Variants in HS3ST5 observed in about 807,000 individuals in gnomAD.
HS3ST5 encodes heparan sulfate glucosamine 3-O-sulfotransferase 5.
Under a neutral mutation model 25.4 loss-of-function variants are expected in HS3ST5, and 10 were observed. The ratio of observed to expected loss-of-function variants is 0.39; its 90% CI spans 0.24 to 0.67. HS3ST5 has a LOEUF of 0.67. Among genes scored for constraint, HS3ST5 ranks in the 30% least tolerant of loss-of-function variants. The probability of loss-of-function intolerance (pLI) is 0.44; values close to 1 mark genes in which losing one functional copy is unlikely to be tolerated. For synonymous variants in HS3ST5, 170 were observed against 162.4 expected (o/e 1.05, Z -0.36); for missense variants, 324 against 420.7 (o/e 0.77, Z 2.01).
At chr6:114,257,202 A>G (rs1217975364) in intron 1 of HS3ST5, among the ~76,000 whole-genome samples, 2 of 152,246 alleles carry the variant, frequency 1.3e-5, no homozygotes, top group Non-Finnish European at 2.9e-5. Flanking sequence ...AAAGTATATC[A>G]GCAGTGTTTG....
intron 3 of HS3ST5, among the ~76,000 whole-genome samples, chr6:114,135,100 A>G: frequency 6.6e-6 from 1 of 152,176 alleles, no homozygotes; most frequent in East Asian, 1.9e-4. Flanking sequence ...CAGAGGCCTA[A>G]ACTGGCAAAT....
intron 3 of HS3ST5, among the ~76,000 whole-genome samples, chr6:114,155,889 TACCTTAGTGC>T (rs1021417623): frequency 5.9e-5 from 9 of 152,192 alleles, no homozygotes; most frequent in Non-Finnish European, 1.3e-4. Context: ...GCTAGGCTTC[TACCTTAGTGC>T]ACCAACAGGA....
chr6:114,168,514 G>A (rs1189935056), intron 2 of HS3ST5, 52 bp from the exon 3 acceptor site: 2 of 152,314 alleles, frequency 1.3e-5, no homozygotes, highest in South Asian at 2.1e-4. Context: ...CTTTTTGTTT[G>A]TTTGTTTTTG....
chr6:114,131,201 C>T (rs1777314507), intron 3 of HS3ST5: 1 of 151,756 alleles, frequency 6.6e-6, no homozygotes, highest in Admixed American at 6.6e-5. Flanking sequence ...TTCCAATTGT[C>T]ATACATTTCA....
At chr6:114,071,216 A>G (rs1323567609) in intron 3 of HS3ST5, among the ~76,000 whole-genome samples, 1 of 152,218 alleles carries the variant, frequency 6.6e-6, no homozygotes, top group Non-Finnish European at 1.5e-5. Context: ...CAGATCTGTC[A>G]AATGGGATAC....
At chr6:114,194,575 T>C (rs1428303973) in intron 2 of HS3ST5, among the ~76,000 whole-genome samples, 1 of 152,182 alleles carries the variant, frequency 6.6e-6, no homozygotes, top group Admixed American at 6.6e-5. Context: ...AACCAGCATT[T>C]CTTCTTGATA....
chr6:114,080,514 G>T (rs1198041276), intron 3 of HS3ST5, among the ~76,000 whole-genome samples: 2 of 152,172 alleles, frequency 1.3e-5, no homozygotes, highest in Non-Finnish European at 2.9e-5. Flanking sequence ...ATTCACAATA[G>T]CAAAGACATG....
chr6:114,065,950 T>C (rs966911324), intron 3 of HS3ST5, among the ~76,000 whole-genome samples: 5 of 152,204 alleles, frequency 3.3e-5, no homozygotes, highest in African/African-American at 1.2e-4. Flanking sequence ...GGTCCACCTG[T>C]CTGTTTTTAG....
At chr6:114,143,627 A>T in intron 3 of HS3ST5, 1 of 152,230 alleles carries the variant, frequency 6.6e-6, no homozygotes, top group East Asian at 1.9e-4. Flanking sequence ...AGGAGCCATC[A>T]GAAGAAATTT....
At chr6:114,244,866 C>T (rs968285383) in intron 1 of HS3ST5, among the ~76,000 whole-genome samples, 3 of 152,188 alleles carry the variant, frequency 2.0e-5, no homozygotes, top group Non-Finnish European at 4.4e-5. Flanking sequence ...GATCACCTTA[C>T]ATTTGCTTCC....
rs5879258 is a variant in HS3ST5, at chr6:114,313,025, G to GAAAAAAAAAAAAAAAAAAAAAAA, written c.-339+29147_-339+29169dup. ...GGTGAGAGAAAGAGACCCTGCATCA[G>GAAAAAAAAAAAAAAAAAAAAAAA]AAAAAAAAAAAAAAAAAAAAAAAAA... On this transcript the variant is annotated intron_variant, in intron 1 of 4. Transcript: ENST00000312719. Among the ~76,000 whole-genome samples, 2 of 16,122 alleles carry GAAAAAAAAAAAAAAAAAAAAAAA rather than the reference G, an allele frequency of 1.2e-4. 1 individual carries two copies. 10.6% of individuals were successfully genotyped at this position (16,122 alleles called of 152,430 possible). A position where few individuals can be genotyped will look rare whatever the true frequency, so the allele number is the denominator to read the frequency against.
intron 2 of HS3ST5, among the ~76,000 whole-genome samples, chr6:114,213,264 C>T (rs13207255): frequency 0.43 from 62,868 of 145,770 alleles, 13,529 homozygotes; most frequent in Middle Eastern, 0.46. Flanking sequence ...CTCCTTTCCT[C>T]TCCTCTCCTC....
chr6:114,079,136 G>A (rs1774311898), intron 3 of HS3ST5, among the ~76,000 whole-genome samples: 1 of 152,192 alleles, frequency 6.6e-6, no homozygotes, highest in South Asian at 2.1e-4. Flanking sequence ...CAGGGTGGTG[G>A]TTGATCAAAA....
At chr6:114,163,322 A>G (rs1056252169) in intron 3 of HS3ST5, among the ~76,000 whole-genome samples, 28 of 152,320 alleles carry the variant, frequency 1.8e-4, no homozygotes, top group Non-Finnish European at 1.2e-4. Flanking sequence ...TCGTCGGGCT[A>G]ATACTAACTA....
At chr6:114,144,638 C>A (rs1305943779) in intron 3 of HS3ST5, among the ~76,000 whole-genome samples, 2 of 152,134 alleles carry the variant, frequency 1.3e-5, no homozygotes, top group Non-Finnish European at 1.5e-5. Flanking sequence ...TCCCAAAAAT[C>A]CATAGATTGT....
chr6:114,264,339 T>C (rs1314673651), intron 1 of HS3ST5, among the ~76,000 whole-genome samples: 1 of 152,200 alleles, frequency 6.6e-6, no homozygotes, highest in African/African-American at 2.4e-5. Flanking sequence ...AGTCGTAACA[T>C]TGTGGAAAAG....
intron 4 of HS3ST5, among the ~76,000 whole-genome samples, chr6:114,061,359 C>A (rs949000202): frequency 1.3e-5 from 2 of 152,134 alleles, no homozygotes; most frequent in African/African-American, 4.8e-5. Flanking sequence ...TCTGATTACA[C>A]TTTCAGGGTA....
intron 3 of HS3ST5, among the ~76,000 whole-genome samples, chr6:114,109,165 GAAAA>G (rs989997100): frequency 7.0e-6 from 1 of 143,764 alleles, no homozygotes; most frequent in African/African-American, 2.5e-5. Flanking sequence ...CCTGTCTCAA[GAAAA>G]AAAAAAATGT....
intron 3 of HS3ST5, among the ~76,000 whole-genome samples, chr6:114,076,576 G>T (rs1275414401): frequency 6.6e-6 from 1 of 152,202 alleles, no homozygotes; most frequent in Admixed American, 6.5e-5. Flanking sequence ...CCGATCTTAA[G>T]AAAGATTCTA....
Sources: gnomAD v4.1 joint callset for allele counts (sites outside exome capture counted in the v4.1 genomes callset) on GRCh38, gnomAD v4.1.1 for gene constraint, MANE v1.5 for transcripts, NCBI Gene and HGNC (gene_info 2026-07-23, HGNC 2026-07-21) for gene names.